The following RNF152 variants were observed in gnomAD, a reference collection of about 807,000 sequenced individuals.
The protein encoded by RNF152 is E3 ubiquitin-protein ligase RNF152.
In RNF152, 11 loss-of-function variants were observed where a neutral mutation model predicts 12.7. The ratio of observed to expected loss-of-function variants is 0.86; its 90% CI spans 0.54 to 1.43. The LOEUF is 1.43. RNF152 is among the 40% of genes most tolerant of loss of function. The probability of loss-of-function intolerance (pLI) is 0.00; values close to 1 mark genes in which losing one functional copy is unlikely to be tolerated. For missense variants in RNF152, 255 were observed against 274.8 expected, an observed-to-expected ratio of 0.93 and a Z score of 0.51; for synonymous variants, 113 against 120.3, an observed-to-expected ratio of 0.94 and a Z score of 0.40.
At chr18:61,871,366 A>G (rs1175478925) in intron 1 of RNF152, among the ~76,000 whole-genome samples, 1 of 152,138 alleles carries the variant, frequency 6.6e-6, no homozygotes, top group Non-Finnish European at 1.5e-5. Context: ...ACAATACTTA[A>G]AACAGCACCA....
At position 61,869,593 on chromosome 18, in the gene RNF152, G is replaced by T. The variant is rs78093143; in HGVS notation, c.-136+23202C>A. Among the ~76,000 whole-genome samples, 527 of 152,302 alleles carry T rather than the reference G, an allele frequency of 3.5e-3. 5 individuals are homozygous for T. Among genetic ancestry groups the T allele is most frequent in the African/African-American group, 0.012 (492 of 41,584 alleles). On this transcript the variant is annotated intron_variant, in intron 1 of 1. Transcript: ENST00000312828. ...ACTCACACCTTCAATAAAGGATGTAGCAAAGTTTGGCATCAAGAACTTAGC... is the reference window on the plus strand; with the variant it reads ...ACTCACACCTTCAATAAAGGATGTATCAAAGTTTGGCATCAAGAACTTAGC...
chr18:61,844,870 CAA>C (rs376156120), intron 1 of RNF152, among the ~76,000 whole-genome samples: 1 of 132,484 alleles, frequency 7.5e-6, no homozygotes, highest in Non-Finnish European at 1.7e-5. Context: ...CCTTTTAAAA[CAA>C]AAAAAAAAAA....
At chr18:61,883,678 C>T (rs1345381252) in intron 1 of RNF152, among the ~76,000 whole-genome samples, 2 of 152,268 alleles carry the variant, frequency 1.3e-5, no homozygotes, top group Middle Eastern at 3.4e-3. Context: ...CTGGGGGTCA[C>T]TCTACTCCCA....
chr18:61,871,413 G>C (rs1429817681), intron 1 of RNF152, among the ~76,000 whole-genome samples: 1 of 152,050 alleles, frequency 6.6e-6, no homozygotes, highest in Non-Finnish European at 1.5e-5. Flanking sequence ...CAAGTTACCA[G>C]GATTCATCAT....
rs773980348 is a variant in RNF152 at position 61,810,224 on chromosome 18, T to C, written c.*5628A>G. 6.6e-6 allele frequency: 1 copy of C among 152,206 alleles called. No homozygotes were observed. Among genetic ancestry groups the C allele is most frequent in the African/African-American group, 2.4e-5 (1 of 41,440 alleles). 9.4% of individuals were successfully genotyped at this position (152,206 alleles called of 1,614,324 possible). ...TAACTCACAAATTGGAAAACATGAC[T>C]AATAACAGTTTTTTACTGAATTTTA... is the stretch of plus-strand genomic sequence containing the variant. On this transcript the variant is annotated 3_prime_UTR_variant, in exon 2 of 2. Coordinates refer to ENST00000312828, the MANE Select transcript of RNF152 (RefSeq NM_173557.3).
At chr18:61,874,954 G>A (rs951416752) in intron 1 of RNF152, 2 of 152,212 alleles carry the variant, frequency 1.3e-5, no homozygotes, top group African/African-American at 4.8e-5. Flanking sequence ...GAGATGCAAA[G>A]ATGAACAAGC....
intron 1 of RNF152, among the ~76,000 whole-genome samples, chr18:61,819,374 G>A (rs777076052): frequency 7.9e-5 from 12 of 152,186 alleles, no homozygotes; most frequent in Non-Finnish European, 1.8e-4. Flanking sequence ...TGAGCAATGG[G>A]AAAACACCAG....
rs538208168 is a variant in RNF152 at position 61,808,337 on chromosome 18, A to G, written c.*7515T>C. ...CAATATTTGGCAACATTTGGACAATATTTTCTACACAGCCCAGCAGCTCAT... is the reference window on the plus strand; with the variant it reads ...CAATATTTGGCAACATTTGGACAATGTTTTCTACACAGCCCAGCAGCTCAT... On this transcript the variant is annotated 3_prime_UTR_variant, in exon 2 of 2. Transcript: ENST00000312828. 2.2e-5 allele frequency: 3 copies of G among 134,998 alleles called. No homozygotes were observed. Among genetic ancestry groups the G allele is most frequent in the Non-Finnish European group, 4.6e-5 (3 of 65,086 alleles). 8.4% of individuals were successfully genotyped at this position (134,998 alleles called of 1,614,324 possible).
In RNF152 at chr18:61,815,963, C is replaced by T. The variant is rs750708857; in HGVS notation, c.501G>A (p.Ser167=). The change falls in exon 2 of 2, where the codon TCG becomes TCA. Residue 167 remains serine, a synonymous_variant. Coordinates refer to ENST00000312828, the MANE Select transcript of RNF152 (RefSeq NM_173557.3). ...CCACCAAGATGACAGTGCACACCCC[C>T]GACCAGGTGGAGCTTTTCACCACGC... ...RRGVVKSSTW[S]GVCTVILVAC... 5.9e-5 allele frequency: 95 copies of T among 1,614,112 alleles called. No homozygotes were observed. Among genetic ancestry groups the T allele is most frequent in the Non-Finnish European group, 7.3e-5 (86 of 1,180,042 alleles).
intron 1 of RNF152, among the ~76,000 whole-genome samples, chr18:61,870,495 G>C (rs1911942954): frequency 6.6e-6 from 1 of 152,150 alleles, no homozygotes; most frequent in African/African-American, 2.4e-5. Flanking sequence ...TCCCTCGAGA[G>C]AAGGCTTCAA....
intron 1 of RNF152, among the ~76,000 whole-genome samples, chr18:61,834,771 C>T (rs1910106063): frequency 6.6e-6 from 1 of 152,180 alleles, no homozygotes; most frequent in Non-Finnish European, 1.5e-5. Context: ...TATCAGTATG[C>T]TTTTATGATA....
intron 1 of RNF152, among the ~76,000 whole-genome samples, chr18:61,841,797 A>G (rs1279688613): frequency 6.6e-6 from 1 of 152,210 alleles, no homozygotes; most frequent in Admixed American, 6.5e-5. Context: ...TAAATCACTA[A>G]TCCTGCTTTC....
rs1909053003 is a variant in RNF152, at chr18:61,815,970, G to T, written c.494C>A (p.Thr165Asn). 6.2e-7 allele frequency: 1 copy of T among 1,614,174 alleles called. No individual in the cohort carries two copies. Among genetic ancestry groups the T allele is most frequent in the Non-Finnish European group, 8.5e-7 (1 of 1,180,032 alleles). ...QDRRGVVKSSTWSGVCTVILV... is the reference protein window; with the variant it reads ...QDRRGVVKSSNWSGVCTVILV... ...GATGACAGTGCACACCCCCGACCAGGTGGAGCTTTTCACCACGCCCCGCCT... is the reference window on the plus strand; with the variant it reads ...GATGACAGTGCACACCCCCGACCAGTTGGAGCTTTTCACCACGCCCCGCCT... The change falls in exon 2 of 2, where the codon ACC becomes AAC. Residue 165 changes from threonine to asparagine, a missense_variant. Physicochemically the swap from Thr to Asn is moderately conservative, Grantham distance 65. Coordinates refer to ENST00000312828, the MANE Select transcript of RNF152 (RefSeq NM_173557.3).
At chr18:61,879,681 A>G (rs1193657880) in intron 1 of RNF152, among the ~76,000 whole-genome samples, 3 of 152,042 alleles carry the variant, frequency 2.0e-5, no homozygotes, top group Admixed American at 1.3e-4. Context: ...CATTTTTTTG[A>G]GGCCAGGCAC....
chr18:61,851,166 C>T (rs1910958415), intron 1 of RNF152, among the ~76,000 whole-genome samples: 1 of 152,064 alleles, frequency 6.6e-6, no homozygotes, highest in African/African-American at 2.4e-5. Context: ...CCTTTCTGAC[C>T]CATCAGAAAC....
intron 1 of RNF152, among the ~76,000 whole-genome samples, chr18:61,878,958 G>A (rs968903895): frequency 3.9e-5 from 6 of 152,186 alleles, no homozygotes; most frequent in Non-Finnish European, 5.9e-5. Flanking sequence ...GCAACCATAT[G>A]CAGAATTTTC....
intron 1 of RNF152, among the ~76,000 whole-genome samples, chr18:61,843,760 AAAG>A (rs1857721551): frequency 6.6e-6 from 1 of 152,210 alleles, no homozygotes; most frequent in Admixed American, 6.5e-5. Context: ...TCAAAATTAT[AAAG>A]ACAGAAAGAA....
rs911027818 is a variant in RNF152 at position 61,816,594 on chromosome 18, C to T, written c.-131G>A. The stretch of plus-strand genomic sequence containing the variant: ...GGCATCCAGTACTCACAGGTGTGTT[C>T]ATTTCTGAGAGAGACAAATAATGCA... On this transcript the variant is annotated 5_prime_UTR_variant, in exon 2 of 2. The change abolishes an upstream ATG in the 5' untranslated region. Coordinates refer to ENST00000312828, the MANE Select transcript of RNF152 (RefSeq NM_173557.3). The T allele has an allele frequency of 3.6e-5, 33 of 906,422 alleles. No individual in the cohort carries two copies. The highest frequency in any genetic ancestry group is 7.1e-4 in the Middle Eastern group (2 of 2,818). 56.1% of individuals were successfully genotyped at this position (906,422 alleles called of 1,614,324 possible). A position where few individuals can be genotyped will look rare whatever the true frequency, so the allele number is the denominator to read the frequency against.
chr18:61,893,107 C>T (rs1599335786), upstream of RNF152: 2 of 152,228 alleles, frequency 1.3e-5, no homozygotes, highest in South Asian at 4.2e-4. Context: ...AAATAACCAC[C>T]TCCCCCCTCC....
Sources: gnomAD v4.1 joint callset for allele counts (sites outside exome capture counted in the v4.1 genomes callset) on GRCh38, gnomAD v4.1.1 for gene constraint, MANE v1.5 for transcripts, NCBI Gene and HGNC (gene_info 2026-07-23, HGNC 2026-07-21) for gene names.